ITGB6: variants seen among roughly 807,000 people sequenced by gnomAD.
ITGB6 encodes the protein integrin subunit beta 6.
ITGB6 carries 80 observed loss-of-function variants against 84.5 expected under a neutral mutation model. The ratio of observed to expected loss-of-function variants is 0.95; its 90% CI spans 0.79 to 1.14. ITGB6 has a LOEUF of 1.14. ITGB6 is among the 50% of genes most tolerant of loss of function. The probability of loss-of-function intolerance (pLI) is 0.00; values close to 1 mark genes in which losing one functional copy is unlikely to be tolerated. For synonymous variants in ITGB6, 383 were observed against 354.9 expected (o/e 1.08, Z -0.89); for missense variants, 1,006 against 968.0 (o/e 1.04, Z -0.52).
Position 160,128,604 on chromosome 2 carries a change from T to C in ITGB6, c.1661-2003A>G, listed in dbSNP as rs182757007. On this transcript the variant is annotated intron_variant, in intron 10 of 14. Coordinates refer to ENST00000283249, the MANE Select transcript of ITGB6 (RefSeq NM_000888.5). The stretch of plus-strand genomic sequence containing the variant: ...CCATGGGAGCAGCAAGGAAAGAATA[T>C]ATATTCGGGAATGGAATGCTCAGGG... 2.0e-5 allele frequency among the ~76,000 whole-genome samples: 3 copies of C among 152,022 alleles called. No individual in the cohort carries two copies. In the East Asian group the frequency reaches 5.8e-4, roughly 29 times the overall value.
intron 7 of ITGB6, among the ~76,000 whole-genome samples, chr2:160,156,590 TA>T (rs140233233): frequency 0.026 from 4,024 of 152,238 alleles, 70 homozygotes; most frequent in South Asian, 0.076. Context: ...ACCTGCCTCC[TA>T]CCACCACCAG....
intron 7 of ITGB6, among the ~76,000 whole-genome samples, chr2:160,161,638 G>C (rs1574104022): frequency 6.6e-6 from 1 of 152,292 alleles, no homozygotes; most frequent in East Asian, 1.9e-4. Flanking sequence ...TGTCTGAGTG[G>C]TGAGTTTATG....
In ITGB6 at chr2:160,159,291, C is replaced by T. The variant is rs1005862716; in HGVS notation, c.1017+9921G>A. On this transcript the variant is annotated intron_variant, in intron 7 of 14. Transcript: ENST00000283249. ...CTAACTCAATTGGATCAGGGTGTAG[C>T]CTACACATTGGGTTTGTTAGTAAAG... Among the ~76,000 whole-genome samples, 8 of 152,048 alleles carry T rather than the reference C, an allele frequency of 5.3e-5. No individual in the cohort carries two copies. The East Asian group carries it at 1.4e-3, about 26-fold the overall frequency.
In ITGB6 at chr2:160,173,976, T is replaced by C. The variant is rs1211465275; in HGVS notation, c.757A>G (p.Lys253Glu). 1 of 1,612,954 alleles carries C rather than the reference T, an allele frequency of 6.2e-7. No homozygotes were observed. Among genetic ancestry groups the C allele is most frequent in the African/African-American group, 1.3e-5 (1 of 74,924 alleles). The part of the protein sequence containing the change: ...FDAIMQAAVC[K>E]EKIGWRNDSL... ...AAACAGCACTCCCTTCAGCATACCTTACACACAGCAGCTTGCATAATTGCA... is the reference window on the plus strand; with the variant it reads ...AAACAGCACTCCCTTCAGCATACCTCACACACAGCAGCTTGCATAATTGCA... Residue 253 changes from lysine to glutamate, a missense_variant and splice_region_variant, in exon 5 of 15, where the codon AAG becomes GAG. Physicochemically the swap from Lys to Glu is moderately conservative, Grantham distance 56. Transcript: ENST00000283249.
rs777894877 is a variant in ITGB6 at position 160,101,725 on chromosome 2, A to G, written c.*11T>C. On this transcript the variant is annotated 3_prime_UTR_variant, in exon 15 of 15. Coordinates refer to ENST00000283249, the MANE Select transcript of ITGB6 (RefSeq NM_000888.5). Reference sequence around the variant, plus strand: ...TCAGTGAAACAGACTTTTTTCATGCATAAAGTAGTTCTAGCAATCTGTGGA... The same window carrying G: ...TCAGTGAAACAGACTTTTTTCATGCGTAAAGTAGTTCTAGCAATCTGTGGA... The G allele has an allele frequency of 1.4e-6, 2 of 1,417,560 alleles. No individual in the cohort carries two copies. The highest frequency in any genetic ancestry group is 2.3e-5 in the East Asian group (1 of 43,902). 87.8% of individuals were successfully genotyped at this position (1,417,560 alleles called of 1,614,324 possible).
chr2:160,125,358 A>T (rs1038991803), intron 11 of ITGB6, among the ~76,000 whole-genome samples: 3 of 152,256 alleles, frequency 2.0e-5, no homozygotes, highest in African/African-American at 7.2e-5. Flanking sequence ...TTTGATTGTT[A>T]ATTTCCTATC....
At chr2:160,189,051 T>C (rs1435231621) in intron 4 of ITGB6, among the ~76,000 whole-genome samples, 1 of 152,032 alleles carries the variant, frequency 6.6e-6, no homozygotes, top group African/African-American at 2.4e-5. Context: ...TGATGCCACA[T>C]ATCTACAACT....
At chr2:160,137,893 A>C in intron 9 of ITGB6, 42 bp from the exon 10 acceptor site, 1 of 1,590,934 alleles carries the variant, frequency 6.3e-7, no homozygotes, top group Non-Finnish European at 8.6e-7. Context: ...ATCCACCAAA[A>C]TGCACGAGGT....
intron 12 of ITGB6, among the ~76,000 whole-genome samples, chr2:160,118,465 T>C (rs1291356045): frequency 2.0e-5 from 3 of 152,100 alleles, no homozygotes; most frequent in Non-Finnish European, 4.4e-5. Context: ...AATTCAACAG[T>C]GCTTCATGCT....
At chr2:160,152,551 C>T (rs901631157) in intron 7 of ITGB6, among the ~76,000 whole-genome samples, 2 of 152,116 alleles carry the variant, frequency 1.3e-5, no homozygotes, top group African/African-American at 4.8e-5. Context: ...ACAGGGATGC[C>T]CTCTCTCACC....
rs200755811 is a variant in ITGB6, at chr2:160,184,675, A to G, written c.594-10536T>C. ...ACACAAGCCTGGCAGAGACACAACA[A>G]AAAAAGAAAATTTTAGGCCAATATC... On this transcript the variant is annotated intron_variant, in intron 4 of 14. Transcript: ENST00000283249. 2.2e-4 allele frequency among the ~76,000 whole-genome samples: 33 copies of G among 152,288 alleles called. No individual in the cohort carries two copies. The East Asian group carries it at 6.0e-3, about 28-fold the overall frequency.
In ITGB6 at chr2:160,101,483, G is replaced by T; in HGVS notation, c.*253C>A. On this transcript the variant is annotated 3_prime_UTR_variant, in exon 15 of 15. Transcript: ENST00000283249. ...CCCATGAATCATTTGATGATTTTTT[G>T]AAGCATTAATGCAACAGAGTTAGTA... The T allele has an allele frequency of 5.3e-6, 2 of 374,730 alleles. No homozygotes were observed. Among genetic ancestry groups the T allele is most frequent in the Non-Finnish European group, 9.6e-6 (2 of 209,008 alleles). 23.2% of individuals were successfully genotyped at this position (374,730 alleles called of 1,614,324 possible).
chr2:160,133,019 A>G (rs941662208), intron 10 of ITGB6, among the ~76,000 whole-genome samples: 1 of 152,072 alleles, frequency 6.6e-6, no homozygotes, highest in Non-Finnish European at 1.5e-5. Flanking sequence ...CCCATTTAAT[A>G]TATTTTTGTG....
intron 5 of ITGB6, 144 bp from the exon 6 acceptor site, chr2:160,172,874 ATAT>A: frequency 1.8e-6 from 1 of 554,774 alleles, no homozygotes; most frequent in East Asian, 2.8e-5. Flanking sequence ...TGAATTGATA[ATAT>A]TAATGTTTTT....
At chr2:160,150,283 A>C (rs1379416106) in intron 7 of ITGB6, among the ~76,000 whole-genome samples, 1 of 152,160 alleles carries the variant, frequency 6.6e-6, no homozygotes, top group Non-Finnish European at 1.5e-5. Flanking sequence ...ACAAGCCAGA[A>C]GAGAGTGGGG....
At chr2:160,162,519 T>G (rs1486242346) in intron 7 of ITGB6, among the ~76,000 whole-genome samples, 1 of 152,164 alleles carries the variant, frequency 6.6e-6, no homozygotes, top group Non-Finnish European at 1.5e-5. Flanking sequence ...AGCATGCAAC[T>G]AGATCTGGGT....
intron 7 of ITGB6, among the ~76,000 whole-genome samples, chr2:160,168,545 GA>G (rs927359668): frequency 1.3e-5 from 2 of 151,886 alleles, no homozygotes; most frequent in Non-Finnish European, 2.9e-5. Flanking sequence ...CCTAGGCTGG[GA>G]AAAAAAACCA....
At chr2:160,119,155 GA>G (rs1294651793) in intron 12 of ITGB6, among the ~76,000 whole-genome samples, 10 of 152,186 alleles carry the variant, frequency 6.6e-5, no homozygotes, top group South Asian at 2.1e-4. Context: ...CACAGAATTG[GA>G]AAAAACTACT....
rs1559069304 is a variant in ITGB6, at chr2:160,100,324, A to G, written c.*1412T>C. On this transcript the variant is annotated 3_prime_UTR_variant, in exon 15 of 15. Coordinates refer to ENST00000283249, the MANE Select transcript of ITGB6 (RefSeq NM_000888.5). Reference sequence around the variant, plus strand: ...AAGGTAATAAACATTGCACAAAAGTACAATATCTCATCTATATGCCAGCAG... The same window carrying G: ...AAGGTAATAAACATTGCACAAAAGTGCAATATCTCATCTATATGCCAGCAG... The G allele has an allele frequency of 6.6e-6, 1 of 152,268 alleles. No homozygotes were observed. Among genetic ancestry groups the G allele is most frequent in the Non-Finnish European group, 1.5e-5 (1 of 68,040 alleles). The allele number at this position is 152,268 out of a possible 1,614,324, so 9.4% of individuals were successfully genotyped here. A position where few individuals can be genotyped will look rare whatever the true frequency, so the allele number is the denominator to read the frequency against.
Sources: allele counts gnomAD v4.1 joint callset (sites outside exome capture counted in the v4.1 genomes callset), GRCh38; gene constraint gnomAD v4.1.1; transcripts MANE v1.5; gene names NCBI Gene and HGNC (gene_info 2026-07-23, HGNC 2026-07-21).